Variants in FAM163A observed in about 807,000 individuals in gnomAD.
FAM163A encodes the protein protein FAM163A.
In FAM163A, 7 loss-of-function variants were observed where a neutral mutation model predicts 12.0. The observed-to-expected ratio is 0.58, with a 90% CI of 0.33 to 1.10. FAM163A has a LOEUF of 1.10. Among genes scored for constraint, FAM163A ranks in the 50% least tolerant of loss-of-function variants. FAM163A has a pLI of 0.03. For missense variants in FAM163A, 202 were observed against 218.6 expected (o/e 0.92, Z 0.48); for synonymous variants, 101 against 91.0 (o/e 1.11, Z -0.62).
chr1:179,806,993 T>C (rs796247360), intron 1 of FAM163A, among the ~76,000 whole-genome samples: 46 of 151,928 alleles, frequency 3.0e-4, no homozygotes, highest in African/African-American at 9.9e-4. Context: ...TACCAGCTAC[T>C]TGGGAGGCTG....
chr1:179,735,287 C>T, the FAM163A span, among the ~76,000 whole-genome samples: 1 of 152,050 alleles, frequency 6.6e-6, no homozygotes, highest in African/African-American at 2.4e-5. Context: ...TTAAAAGCAT[C>T]AAAGAGCTAA....
intron 1 of FAM163A, among the ~76,000 whole-genome samples, chr1:179,783,339 C>A (rs1249927523): frequency 6.6e-6 from 1 of 152,140 alleles, no homozygotes; most frequent in East Asian, 1.9e-4. Context: ...AATGACCCAT[C>A]CTAACAATGA....
intron 1 of FAM163A, among the ~76,000 whole-genome samples, chr1:179,784,775 G>A (rs1033517589): frequency 1.3e-5 from 2 of 152,138 alleles, no homozygotes; most frequent in Non-Finnish European, 2.9e-5. Context: ...GTGACATGTC[G>A]CAGTGTATAA....
intron 1 of FAM163A, among the ~76,000 whole-genome samples, chr1:179,800,710 C>G: frequency 6.6e-6 from 1 of 152,072 alleles, no homozygotes; most frequent in South Asian, 2.1e-4. Flanking sequence ...CCTTAGCGCT[C>G]AGTAAGTAGT....
intron 1 of FAM163A, among the ~76,000 whole-genome samples, chr1:179,778,260 G>T (rs755123770): frequency 6.6e-6 from 1 of 152,154 alleles, no homozygotes; most frequent in Non-Finnish European, 1.5e-5. Context: ...GGCCAGAGCA[G>T]CCTCCTTACA....
intron 1 of FAM163A, among the ~76,000 whole-genome samples, chr1:179,800,325 A>G (rs1692978106): frequency 6.6e-6 from 1 of 152,220 alleles, no homozygotes; most frequent in Admixed American, 6.5e-5. Flanking sequence ...CGAATCAGGG[A>G]AGGGGTACGC....
chr1:179,745,920 C>T (rs1057272841), intron 1 of FAM163A, among the ~76,000 whole-genome samples: 2 of 152,060 alleles, frequency 1.3e-5, no homozygotes, highest in African/African-American at 4.8e-5. Flanking sequence ...CCAGAATTGT[C>T]GTGAATAAAG....
intron 1 of FAM163A, among the ~76,000 whole-genome samples, chr1:179,802,501 C>A (rs866564568): frequency 6.6e-6 from 1 of 152,198 alleles, no homozygotes; most frequent in African/African-American, 2.4e-5. Context: ...GCCTCCAAGT[C>A]CCCGCCATCA....
chr1:179,808,918 G>A (rs955973976), intron 2 of FAM163A, among the ~76,000 whole-genome samples: 6 of 152,184 alleles, frequency 3.9e-5, no homozygotes, highest in African/African-American at 1.4e-4. Flanking sequence ...GCCACTGAAT[G>A]TGGGAATTTA....
At chr1:179,761,396 C>T (rs556628030) in intron 1 of FAM163A, among the ~76,000 whole-genome samples, 1 of 152,350 alleles carries the variant, frequency 6.6e-6, no homozygotes, top group African/African-American at 2.4e-5. Flanking sequence ...ACCGTGACTG[C>T]ACATTGTAGA....
the FAM163A span, among the ~76,000 whole-genome samples, chr1:179,730,604 G>A: frequency 1.2e-4 from 19 of 152,150 alleles, no homozygotes; most frequent in African/African-American, 4.1e-4. Context: ...TGTTGTCATC[G>A]GTAGAAAATA....
intron 1 of FAM163A, among the ~76,000 whole-genome samples, chr1:179,798,794 A>G (rs796649864): frequency 5.9e-5 from 9 of 152,220 alleles, no homozygotes; most frequent in African/African-American, 1.7e-4. Context: ...ACAGCTTCCA[A>G]ATCTCCCTGT....
chr1:179,794,176 C>T (rs1464456804), intron 1 of FAM163A, among the ~76,000 whole-genome samples: 3 of 152,212 alleles, frequency 2.0e-5, no homozygotes, highest in African/African-American at 7.2e-5. Context: ...CCTCCCTAGC[C>T]CATCAATTCA....
the FAM163A span, among the ~76,000 whole-genome samples, chr1:179,729,472 T>G: frequency 6.6e-6 from 1 of 152,160 alleles, no homozygotes; most frequent in Non-Finnish European, 1.5e-5. Flanking sequence ...CAGTGCCAAA[T>G]GTGGAAATGT....
At chr1:179,813,585 TGG>T (rs1303621355) in intron 4 of FAM163A, among the ~76,000 whole-genome samples, 192 bp from the exon 5 acceptor site, 1 of 151,766 alleles carries the variant, frequency 6.6e-6, no homozygotes, top group Non-Finnish European at 1.5e-5. Context: ...CGAGGAGTGG[TGG>T]GAGGGGAAAA....
chr1:179,798,623 C>T (rs959473062), intron 1 of FAM163A, among the ~76,000 whole-genome samples: 2 of 152,224 alleles, frequency 1.3e-5, no homozygotes, highest in African/African-American at 4.8e-5. Context: ...TTTAAGGTCT[C>T]CTACCCCAGA....
At chr1:179,732,882 A>G in the FAM163A span, among the ~76,000 whole-genome samples, 1 of 138,504 alleles carries the variant, frequency 7.2e-6, no homozygotes, top group African/African-American at 3.1e-5. Flanking sequence ...CTCTGCCTCA[A>G]AAAAAAAAAA....
the FAM163A span, among the ~76,000 whole-genome samples, chr1:179,727,867 C>T: frequency 6.6e-6 from 1 of 152,038 alleles, no homozygotes; most frequent in Non-Finnish European, 1.5e-5. Context: ...CAAACACTGA[C>T]AAAATATTAA....
At chr1:179,740,175 G>T (rs576034732), upstream of FAM163A, among the ~76,000 whole-genome samples, 1 of 66,520 alleles carries the variant, frequency 1.5e-5, no homozygotes, top group Non-Finnish European at 2.8e-5. Context: ...TTTGGTTTTT[G>T]TTGTTGTTGT....
Sources: gnomAD v4.1 joint callset for allele counts (sites outside exome capture counted in the v4.1 genomes callset) on GRCh38, gnomAD v4.1.1 for gene constraint, MANE v1.5 for transcripts, NCBI Gene and HGNC (gene_info 2026-07-23, HGNC 2026-07-21) for gene names.